UPF3B: variants seen among roughly 807,000 people sequenced by gnomAD.
UPF3B encodes the protein regulator of nonsense transcripts 3B.
A neutral mutation model predicts 40.3 loss-of-function variants in UPF3B; 7 were observed. The ratio of observed to expected loss-of-function variants is 0.17; its 90% confidence interval spans 0.10 to 0.33. The LOEUF is 0.33. UPF3B is among the 10% of genes least tolerant of loss of function. The pLI, the probability that UPF3B is intolerant of heterozygous loss-of-function variation, is 1.00. For missense variants in UPF3B, 229 were observed against 358.9 expected, an observed-to-expected ratio of 0.64 and a Z score of 2.93; for synonymous variants, 117 against 117.3, an observed-to-expected ratio of 1.00 and a Z score of 0.01.
At chrX:119,846,899 A>AT (rs1441088526) in intron 3 of UPF3B, among the ~76,000 whole-genome samples, 7 of 112,496 alleles carry the variant, frequency 6.2e-5, no homozygotes, top group Non-Finnish European at 1.3e-4. Context: ...TAATATCGAG[A>AT]ATATATAAAG....
At chrX:119,835,793 T>C (rs771625299) in intron 10 of UPF3B, among the ~76,000 whole-genome samples, 4 of 110,741 alleles carry the variant, frequency 3.6e-5, no homozygotes, top group Admixed American at 9.6e-5. Context: ...CTGAGCAACA[T>C]AGGGAGACCT....
At chrX:119,830,733 CTG>C (rs1368056954), downstream of UPF3B, among the ~76,000 whole-genome samples, 24 of 100,357 alleles carry the variant, frequency 2.4e-4, no homozygotes, top group African/African-American at 8.1e-4. Context: ...GAATTCAGTA[CTG>C]TGTCTCAAAA....
At chrX:119,813,391 C>T (rs2055839507) in intron 5 of UPF3B, among the ~76,000 whole-genome samples, 1 of 109,613 alleles carries the variant, frequency 9.1e-6, no homozygotes, top group Non-Finnish European at 1.9e-5. Flanking sequence ...GGCACCTCCT[C>T]CCCGCACTCA....
intron 1 of UPF3B, 60 bp downstream of exon 1, chrX:119,852,713 C>G: frequency 8.3e-7 from 1 of 1,206,062 alleles, no homozygotes; most frequent in African/African-American, 1.7e-5. Flanking sequence ...CATTCCCAGC[C>G]ATCCTCCCCG....
At chrX:119,807,554 G>T in exon 6 of UPF3B, 1 of 837,909 alleles carries the variant, frequency 1.2e-6, no homozygotes. Flanking sequence ...CGAGCTCCTG[G>T]ATGGTAAAGC....
chrX:119,825,090 G>GT (rs2055967032), intron 3 of UPF3B, among the ~76,000 whole-genome samples: 1 of 111,161 alleles, frequency 9.0e-6, no homozygotes, highest in Non-Finnish European at 1.9e-5. Context: ...TTTCACAGCT[G>GT]TATTAGTCCG....
At chrX:119,830,246 G>A (rs1310556936), downstream of UPF3B, among the ~76,000 whole-genome samples, 1 of 111,116 alleles carries the variant, frequency 9.0e-6, no homozygotes, top group East Asian at 2.8e-4. Context: ...TTGGATATTT[G>A]TCCCCACCCA....
At chrX:119,819,652 C>A (rs1394240294) in intron 4 of UPF3B, among the ~76,000 whole-genome samples, 1 of 111,444 alleles carries the variant, frequency 9.0e-6, no homozygotes, top group Non-Finnish European at 1.9e-5. Context: ...ATTCCAAGGA[C>A]CTCCACTTCT....
intron 4 of UPF3B, among the ~76,000 whole-genome samples, 195 bp from the exon 5 acceptor site, chrX:119,843,496 C>T (rs1438338742): frequency 1.8e-5 from 2 of 112,101 alleles, no homozygotes; most frequent in Non-Finnish European, 3.8e-5. Flanking sequence ...ATCACTGATA[C>T]TCACTATAGG....
chrX:119,851,920 T>C, intron 1 of UPF3B, 47 bp from the exon 2 acceptor site: 1 of 872,859 alleles, frequency 1.1e-6, no homozygotes, highest in Non-Finnish European at 1.7e-6. Flanking sequence ...ATCAGTTTTC[T>C]GTCATACCTG....
chrX:119,846,975 T>C (rs760411563), intron 3 of UPF3B, among the ~76,000 whole-genome samples: 1 of 112,492 alleles, frequency 8.9e-6, no homozygotes, highest in South Asian at 3.6e-4. Context: ...AAGACTTGAA[T>C]AGACATTTCT....
chrX:119,851,378 A>T, intron 3 of UPF3B, 117 bp downstream of exon 3: 1 of 542,090 alleles, frequency 1.8e-6, no homozygotes. Flanking sequence ...TCTATTTATA[A>T]GACTGCAATA....
chrX:119,810,924 A>C (rs760946532), intron 5 of UPF3B, among the ~76,000 whole-genome samples: 1 of 112,132 alleles, frequency 8.9e-6, no homozygotes, highest in Non-Finnish European at 1.9e-5. Context: ...TGTGAGCAAG[A>C]GACAAAAATA....
intron 5 of UPF3B, among the ~76,000 whole-genome samples, chrX:119,810,165 G>C (rs767949407): frequency 8.0e-5 from 9 of 112,206 alleles, no homozygotes; most frequent in East Asian, 5.6e-4. Flanking sequence ...TCAGCTTACA[G>C]AATTCTGACT....
chrX:119,827,732 TCC>T (rs1407147869), intron 3 of UPF3B, among the ~76,000 whole-genome samples: 20 of 110,175 alleles, frequency 1.8e-4, no homozygotes, highest in African/African-American at 6.6e-4. Context: ...GGGTTTTTTT[TCC>T]TCTTCTTTAT....
intron 3 of UPF3B, among the ~76,000 whole-genome samples, chrX:119,825,654 A>C (rs1383941654): frequency 8.9e-6 from 1 of 111,783 alleles, no homozygotes; most frequent in Non-Finnish European, 1.9e-5. Flanking sequence ...AGCAAGAACA[A>C]ACATCAAATT....
intron 1 of UPF3B, 34 bp from the exon 2 acceptor site, chrX:119,851,907 C>T: frequency 2.0e-6 from 2 of 996,283 alleles, no homozygotes; most frequent in East Asian, 3.1e-5. Context: ...AAAATTAGTA[C>T]AAATCAGTTT....
In UPF3B at chrX:119,840,650, TTC is replaced by T; in HGVS notation, c.840_841del (p.Asn282SerfsTer10). On this transcript the variant is annotated frameshift_variant, in exon 8 of 11. Coordinates refer to ENST00000276201, the MANE Select transcript of UPF3B (RefSeq NM_080632.3). LOFTEE classifies it high-confidence loss of function. ...TATCATGTACTTGGTCCTTACATTT[TTC>T]TGATTCACAGCTTGTAACAGAAACC... 8.3e-7 allele frequency: 1 copy of T among 1,209,750 alleles called. No individual in the cohort carries two copies. The highest frequency in any genetic ancestry group is 1.1e-6 in the Non-Finnish European group (1 of 894,193).
chrX:119,812,150 G>T (rs193264919), intron 5 of UPF3B, among the ~76,000 whole-genome samples: 12 of 110,917 alleles, frequency 1.1e-4, no homozygotes, highest in African/African-American at 3.6e-4. Context: ...CTACTTGGGA[G>T]GCAGAGGAAG....
Sources: allele counts gnomAD v4.1 joint callset (sites outside exome capture counted in the v4.1 genomes callset), GRCh38; gene constraint gnomAD v4.1.1; transcripts MANE v1.5; gene names NCBI Gene and HGNC (gene_info 2026-07-23, HGNC 2026-07-21).